The following FRAS1 variants were observed in gnomAD, a reference collection of about 807,000 sequenced individuals.
FRAS1 encodes the protein Fraser extracellular matrix complex subunit 1.
A neutral mutation model predicts 435.2 loss-of-function variants in FRAS1; 290 were observed. The observed-to-expected ratio is 0.67, with a 90% confidence interval of 0.61 to 0.73. FRAS1 has a LOEUF of 0.73. Among genes scored for constraint, FRAS1 ranks in the 30% least tolerant of loss-of-function variants. The pLI is 0.00. For missense variants in FRAS1, 4,860 were observed against 5,001.5 expected (o/e 0.97, Z 0.85); for synonymous variants, 1,800 against 1,851.0 (o/e 0.97, Z 0.71).
At chr4:78,135,176 G>C (rs1247390132) in intron 2 of FRAS1, among the ~76,000 whole-genome samples, 1 of 152,208 alleles carries the variant, frequency 6.6e-6, no homozygotes, top group Non-Finnish European at 1.5e-5. Flanking sequence ...TGACCTTGCT[G>C]ATGCCTTTCT....
intron 59 of FRAS1, among the ~76,000 whole-genome samples, chr4:78,494,615 A>G (rs745898954): frequency 3.9e-5 from 6 of 152,158 alleles, no homozygotes; most frequent in African/African-American, 7.2e-5. Context: ...TCACCCAAAC[A>G]TCTTCCACCA....
intron 2 of FRAS1, among the ~76,000 whole-genome samples, chr4:78,116,596 G>A (rs894994432): frequency 6.6e-6 from 1 of 152,082 alleles, no homozygotes. Context: ...GGCCTTCTTT[G>A]TCTCTTTTGA....
At chr4:78,239,153 C>T (rs1364602483) in intron 3 of FRAS1, among the ~76,000 whole-genome samples, 1 of 152,138 alleles carries the variant, frequency 6.6e-6, no homozygotes, top group Admixed American at 6.5e-5. Flanking sequence ...GAAAAAGTCT[C>T]CCATCTTTGT....
At chr4:78,494,497 A>G (rs1001189734) in intron 59 of FRAS1, among the ~76,000 whole-genome samples, 1 of 152,140 alleles carries the variant, frequency 6.6e-6, no homozygotes, top group African/African-American at 2.4e-5. Flanking sequence ...GAGAGAGGGT[A>G]GGGAGGTGTC....
At chr4:78,309,585 TG>T (rs1185584872) in intron 15 of FRAS1, among the ~76,000 whole-genome samples, 1 of 152,250 alleles carries the variant, frequency 6.6e-6, no homozygotes, top group Non-Finnish European at 1.5e-5. Context: ...TTAGATCTTC[TG>T]GCTCTGGGCC....
intron 2 of FRAS1, among the ~76,000 whole-genome samples, chr4:78,072,883 A>G (rs983057063): frequency 1.3e-5 from 2 of 152,150 alleles, no homozygotes; most frequent in Non-Finnish European, 2.9e-5. Context: ...AACTAGAGAT[A>G]TTCAAGTTGA....
intron 30 of FRAS1, among the ~76,000 whole-genome samples, chr4:78,402,891 T>C (rs1480466826): frequency 6.6e-6 from 1 of 152,176 alleles, no homozygotes; most frequent in African/African-American, 2.4e-5. Context: ...CTGAGGATGA[T>C]TTCTCATGAT....
intron 48 of FRAS1, 104 bp downstream of exon 48, chr4:78,464,249 T>C: frequency 1.4e-6 from 2 of 1,453,034 alleles, no homozygotes; most frequent in Non-Finnish European, 1.8e-6. Context: ...TTCATTTTCC[T>C]CTGCTCTCAG....
intron 2 of FRAS1, among the ~76,000 whole-genome samples, chr4:78,148,756 G>C (rs1720517148): frequency 6.6e-6 from 1 of 152,124 alleles, no homozygotes; most frequent in Admixed American, 6.6e-5. Context: ...TCTTTTGGTA[G>C]GTACCACTTT....
At chr4:78,113,633 G>T (rs1742897657) in intron 2 of FRAS1, among the ~76,000 whole-genome samples, 1 of 152,202 alleles carries the variant, frequency 6.6e-6, no homozygotes, top group Non-Finnish European at 1.5e-5. Context: ...CTTCTTTTGA[G>T]AAATGTCTGT....
At chr4:78,526,963 A>G (rs1214033324) in intron 70 of FRAS1, among the ~76,000 whole-genome samples, 1 of 152,148 alleles carries the variant, frequency 6.6e-6, no homozygotes, top group Non-Finnish European at 1.5e-5. Flanking sequence ...TCCATTTAGA[A>G]TGGCTCCCAA....
At chr4:78,496,241 G>A (rs115455612) in intron 59 of FRAS1, among the ~76,000 whole-genome samples, 1,738 of 152,200 alleles carry the variant, frequency 0.011, 29 homozygotes, top group African/African-American at 0.04. Context: ...TTGTGGTCTC[G>A]GACTTTCTGT....
intron 35 of FRAS1, 97 bp downstream of exon 35, chr4:78,424,517 C>G: frequency 1.9e-6 from 1 of 516,306 alleles, no homozygotes; most frequent in Non-Finnish European, 3.3e-6. Context: ...TAGCTATTTT[C>G]TAAGAACTAC....
chr4:78,464,251 T>G, intron 48 of FRAS1, 106 bp downstream of exon 48: 1 of 1,445,606 alleles, frequency 6.9e-7, no homozygotes, highest in Non-Finnish European at 9.2e-7. Context: ...CATTTTCCTC[T>G]GCTCTCAGTC....
At chr4:78,307,530 G>C (rs545997092) in intron 14 of FRAS1, among the ~76,000 whole-genome samples, 2 of 152,318 alleles carry the variant, frequency 1.3e-5, no homozygotes, top group Non-Finnish European at 2.9e-5. Context: ...AGGACTCTCC[G>C]AGCCAGGTGC....
At chr4:78,465,874 G>A (rs2109847141) in intron 49 of FRAS1, among the ~76,000 whole-genome samples, 1 of 152,276 alleles carries the variant, frequency 6.6e-6, no homozygotes, top group East Asian at 1.9e-4. Flanking sequence ...AAGAGTTTTG[G>A]GTAGATGTAG....
intron 14 of FRAS1, among the ~76,000 whole-genome samples, chr4:78,287,312 A>G (rs1251960573): frequency 1.3e-5 from 2 of 152,178 alleles, no homozygotes; most frequent in Non-Finnish European, 2.9e-5. Flanking sequence ...GGGGATTACA[A>G]TTTGACATTA....
At chr4:78,268,341 C>T (rs1726479334) in intron 9 of FRAS1, among the ~76,000 whole-genome samples, 1 of 152,186 alleles carries the variant, frequency 6.6e-6, no homozygotes, top group South Asian at 2.1e-4. Context: ...TTCAACTTGC[C>T]TCCTACTTGT....
At chr4:78,363,212 G>T (rs765197303) in intron 20 of FRAS1, among the ~76,000 whole-genome samples, 3 of 152,136 alleles carry the variant, frequency 2.0e-5, no homozygotes, top group Non-Finnish European at 2.9e-5. Context: ...TAGTCAGGAA[G>T]TTCTCTCTAT....
Sources: gnomAD v4.1 joint callset for allele counts (sites outside exome capture counted in the v4.1 genomes callset) on GRCh38, gnomAD v4.1.1 for gene constraint, MANE v1.5 for transcripts, NCBI Gene and HGNC (gene_info 2026-07-23, HGNC 2026-07-21) for gene names.